Variants in PHLPP1 observed in about 807,000 individuals in gnomAD.
PHLPP1 encodes PH domain and leucine rich repeat protein phosphatase 1.
In PHLPP1, 42 loss-of-function variants were observed where a neutral mutation model predicts 117.2. The ratio of observed to expected loss-of-function variants is 0.36; its 90% CI spans 0.28 to 0.46. The LOEUF (loss-of-function observed/expected upper bound fraction) is 0.46. Among genes scored for constraint, PHLPP1 ranks in the 20% least tolerant of loss-of-function variants. The pLI, the probability that PHLPP1 is intolerant of heterozygous loss-of-function variation, is 1.00. For synonymous variants in PHLPP1, 1,042 were observed against 970.7 expected (o/e 1.07, Z -1.37); for missense variants, 2,084 against 2,241.9 (o/e 0.93, Z 1.42).
chr18:62,968,058 A>G (rs1281532766), intron 14 of PHLPP1, among the ~76,000 whole-genome samples: 3 of 152,128 alleles, frequency 2.0e-5, no homozygotes, highest in Admixed American at 6.5e-5. Flanking sequence ...CCTGACCTCA[A>G]GTGATCTGCC....
intron 4 of PHLPP1, among the ~76,000 whole-genome samples, chr18:62,875,277 T>C (rs1916018897): frequency 6.6e-6 from 1 of 152,166 alleles, no homozygotes; most frequent in South Asian, 2.1e-4. Context: ...ATGTGATTTT[T>C]ATCATATATG....
chr18:62,951,679 CT>C (rs927528301), intron 12 of PHLPP1, among the ~76,000 whole-genome samples: 18 of 151,706 alleles, frequency 1.2e-4, no homozygotes, highest in African/African-American at 3.6e-4. Flanking sequence ...TATCATTTCT[CT>C]TTTTTTTAAT....
At chr18:62,957,905 A>C (rs913467023) in intron 12 of PHLPP1, among the ~76,000 whole-genome samples, 1 of 151,770 alleles carries the variant, frequency 6.6e-6, no homozygotes, top group African/African-American at 2.4e-5. Context: ...TGGGGGTTTC[A>C]CTGTGTTGCC....
At position 62,978,925 on chromosome 18, in the gene PHLPP1, G is replaced by A; in HGVS notation, c.4648G>A (p.Glu1550Lys). Residue 1550 changes from glutamate (E) to lysine (K), a missense_variant, in exon 17 of 17, where the codon GAG becomes AAG. Transcript: ENST00000262719. This position sits in a 1 kb window ranked among gnomAD's most constrained non-coding sequence, Gnocchi z 7.0. The part of the protein sequence containing the change: ...FSDNGLDSDD[E>K]EPIEGVFTNG... Reference sequence around the variant, plus strand: ...CGACAACGGCCTTGACAGTGACGATGAGGAGCCCATCGAGGGCGTCTTCAC... The same window carrying A: ...CGACAACGGCCTTGACAGTGACGATAAGGAGCCCATCGAGGGCGTCTTCAC... 1.2e-6 allele frequency: 2 copies of A among 1,608,620 alleles called. No individual in the cohort carries two copies. Among genetic ancestry groups the A allele is most frequent in the Non-Finnish European group, 1.7e-6 (2 of 1,177,576 alleles).
In PHLPP1 at chr18:62,958,638, C is replaced by T; in HGVS notation, c.3334C>T (p.Leu1112=). ...MQLPEIKCVD[L]SCNELSEVTL... ...CTTGTTCTTTTTTCAGTGTGTGGAC[C>T]TGAGCTGTAATGAGCTAAGTGAAGT... The change falls in exon 13 of 17, where the codon CTG becomes TTG. Residue 1112 remains leucine, a synonymous_variant. Coordinates refer to ENST00000262719, the MANE Select transcript of PHLPP1 (RefSeq NM_194449.4). 1 of 1,613,806 alleles carries T rather than the reference C, an allele frequency of 6.2e-7. No individual in the cohort carries two copies. Among genetic ancestry groups the T allele is most frequent in the Non-Finnish European group, 8.5e-7 (1 of 1,179,832 alleles).
intron 12 of PHLPP1, among the ~76,000 whole-genome samples, chr18:62,955,414 G>A (rs1910583315): frequency 6.6e-6 from 1 of 152,168 alleles, no homozygotes; most frequent in Admixed American, 6.5e-5. Context: ...CAGCATACAA[G>A]GAGTACATTG....
intron 14 of PHLPP1, among the ~76,000 whole-genome samples, chr18:62,969,557 GTCT>G (rs775540163): frequency 8.5e-5 from 13 of 152,116 alleles, no homozygotes; most frequent in Non-Finnish European, 1.3e-4. Flanking sequence ...CCAGTTTTCT[GTCT>G]TCTTCTTCTG....
intron 3 of PHLPP1, among the ~76,000 whole-genome samples, chr18:62,846,310 AAGAAAAGTTTGTG>A (rs1219117982): frequency 6.6e-6 from 1 of 152,134 alleles, no homozygotes; most frequent in East Asian, 1.9e-4. Context: ...CTGTAGTGAC[AAGAAAAGTTTGTG>A]AGAAAAGTTT....
At chr18:62,719,033 A>G (rs1028752513) in intron 1 of PHLPP1, among the ~76,000 whole-genome samples, 1 of 152,332 alleles carries the variant, frequency 6.6e-6, no homozygotes, top group African/African-American at 2.4e-5. Flanking sequence ...TAAATCTTAA[A>G]ATGTTTGGCA....
intron 12 of PHLPP1, 79 bp from the exon 13 acceptor site, chr18:62,958,550 G>T (rs1049046155): frequency 1.2e-5 from 17 of 1,395,358 alleles, no homozygotes; most frequent in Non-Finnish European, 1.6e-5. Flanking sequence ...TGATTTGCAT[G>T]CAAAGAGTAG....
chr18:62,837,377 A>G (rs754325802), intron 2 of PHLPP1, among the ~76,000 whole-genome samples: 27 of 152,194 alleles, frequency 1.8e-4, no homozygotes, highest in Non-Finnish European at 3.7e-4. Context: ...AAAATTGTTC[A>G]TAATATTCTC....
At chr18:62,917,396 T>TTG (rs34407573) in intron 9 of PHLPP1, among the ~76,000 whole-genome samples, 4,400 of 141,424 alleles carry the variant, frequency 0.031, 85 homozygotes, top group South Asian at 0.054. Flanking sequence ...ACAGTATTCT[T>TTG]TGTGTGTGTG....
intron 8 of PHLPP1, among the ~76,000 whole-genome samples, chr18:62,914,498 G>A (rs1242611887): frequency 6.6e-6 from 1 of 152,178 alleles, no homozygotes; most frequent in Admixed American, 6.5e-5. Context: ...GCAGTGATGA[G>A]ATCATAGCTC....
At chr18:62,886,557 G>A (rs1916294668) in intron 4 of PHLPP1, among the ~76,000 whole-genome samples, 1 of 152,188 alleles carries the variant, frequency 6.6e-6, no homozygotes, top group Admixed American at 6.6e-5. Context: ...TTACAGGTGT[G>A]AGTCATGGCA....
At chr18:62,883,244 G>A (rs1163154432) in intron 4 of PHLPP1, among the ~76,000 whole-genome samples, 2 of 152,276 alleles carry the variant, frequency 1.3e-5, no homozygotes, top group East Asian at 3.9e-4. Flanking sequence ...TTAAAAATTA[G>A]TGTGTGGCAA....
chr18:62,902,911 A>G (rs754034654), intron 6 of PHLPP1, 53 bp from the exon 7 acceptor site: 4 of 1,081,696 alleles, frequency 3.7e-6, no homozygotes, highest in African/African-American at 1.5e-5. Flanking sequence ...GGGTGTGCCC[A>G]TTTACTTATA....
chr18:62,801,428 C>T (rs568631525), intron 1 of PHLPP1, among the ~76,000 whole-genome samples: 49 of 151,698 alleles, frequency 3.2e-4, no homozygotes, highest in Non-Finnish European at 5.7e-4. Context: ...AGGTTTGATG[C>T]TAAAGAGATG....
At chr18:62,919,717 G>A (rs1171772783) in intron 9 of PHLPP1, among the ~76,000 whole-genome samples, 2 of 152,162 alleles carry the variant, frequency 1.3e-5, no homozygotes, top group Non-Finnish European at 2.9e-5. Flanking sequence ...TCTTCAGTGC[G>A]TACATCTATA....
intron 6 of PHLPP1, among the ~76,000 whole-genome samples, chr18:62,901,130 T>C (rs1673443018): frequency 6.6e-6 from 1 of 152,202 alleles, no homozygotes; most frequent in South Asian, 2.1e-4. Flanking sequence ...TTAGTACTAA[T>C]ACAATTTCAT....
Sources: gnomAD v4.1 joint callset for allele counts (sites outside exome capture counted in the v4.1 genomes callset) on GRCh38, gnomAD v4.1.1 for gene constraint, Gnocchi (gnomAD v3.1) non-coding constraint, MANE v1.5 for transcripts, NCBI Gene and HGNC (gene_info 2026-07-23, HGNC 2026-07-21) for gene names.